Variants in EYS observed in about 807,000 individuals in gnomAD.
The protein encoded by EYS is EGF-like photoreceptor maintenance factor, also known as protein eyes shut homolog.
Under a neutral mutation model 282.1 loss-of-function variants are expected in EYS, and 250 were observed. The ratio of observed to expected loss-of-function variants is 0.89; its 90% CI spans 0.80 to 0.98. The LOEUF (loss-of-function observed/expected upper bound fraction) is 0.98. Among genes scored for constraint, EYS ranks in the 50% least tolerant of loss-of-function variants. The pLI, the probability that EYS is intolerant of heterozygous loss-of-function variation, is 0.00. For synonymous variants in EYS, 1,355 were observed against 1,282.9 expected (o/e 1.06, Z -1.20); for missense variants, 4,016 against 3,709.0 (o/e 1.08, Z -2.15).
At chr6:65,461,480 A>G (rs1764824627) in intron 5 of EYS, among the ~76,000 whole-genome samples, 1 of 151,910 alleles carries the variant, frequency 6.6e-6, no homozygotes. Flanking sequence ...TCACTCTCAT[A>G]TTCCTTTCTT....
intron 31 of EYS, among the ~76,000 whole-genome samples, chr6:64,094,135 T>A (rs144033521): frequency 6.6e-6 from 1 of 152,086 alleles, no homozygotes; most frequent in Non-Finnish European, 1.5e-5. Context: ...AGCTTTTTGA[T>A]GTGCTGCTGG....
At chr6:65,526,447 C>G (rs1248996726) in intron 2 of EYS, among the ~76,000 whole-genome samples, 1 of 152,170 alleles carries the variant, frequency 6.6e-6, no homozygotes, top group African/African-American at 2.4e-5. Flanking sequence ...TAATTCACAG[C>G]ACTTGATAAG....
At chr6:64,154,168 C>A (rs1052719568) in intron 31 of EYS, among the ~76,000 whole-genome samples, 3 of 152,084 alleles carry the variant, frequency 2.0e-5, no homozygotes, top group African/African-American at 4.8e-5. Flanking sequence ...AGGCTGGGAG[C>A]GGTGGCTCAC....
intron 26 of EYS, among the ~76,000 whole-genome samples, chr6:64,516,410 C>T (rs1482249649): frequency 1.3e-5 from 2 of 151,644 alleles, no homozygotes; most frequent in Non-Finnish European, 3.0e-5. Context: ...ACAAGTTTAC[C>T]CGTGTAACAA....
At chr6:64,268,173 T>C (rs1052908329) in intron 30 of EYS, among the ~76,000 whole-genome samples, 4 of 152,044 alleles carry the variant, frequency 2.6e-5, no homozygotes, top group Non-Finnish European at 5.9e-5. Flanking sequence ...TTAAATATCA[T>C]GTAGCTGTTA....
rs563971821 is a variant in EYS, at chr6:65,432,642, T to C, written c.863-27275A>G. On this transcript the variant is annotated intron_variant, in intron 5 of 42. Transcript: ENST00000503581. Reference sequence around the variant, plus strand: ...CAAAAGGAAAGGAGGTCAGACAATTTAGGTCCTTATAGGGCATTTTGAAGG... The same window carrying C: ...CAAAAGGAAAGGAGGTCAGACAATTCAGGTCCTTATAGGGCATTTTGAAGG... Among the ~76,000 whole-genome samples, 51 of 152,204 alleles carry C rather than the reference T, an allele frequency of 3.4e-4. 1 individual carries two copies. The South Asian group carries it at 9.6e-3, about 29-fold the overall frequency.
chr6:64,524,430 A>G (rs914480514), intron 26 of EYS, among the ~76,000 whole-genome samples: 3 of 151,632 alleles, frequency 2.0e-5, no homozygotes, highest in African/African-American at 4.8e-5. Context: ...TAGGTTGTCT[A>G]TTTCCTCTGT....
chr6:63,970,430 T>C (rs954858340), intron 35 of EYS, among the ~76,000 whole-genome samples: 2 of 152,110 alleles, frequency 1.3e-5, no homozygotes, highest in African/African-American at 4.8e-5. Context: ...GGTCAGGTGA[T>C]CGAGACCATT....
At chr6:63,928,415 G>A (rs1035608059) in intron 35 of EYS, among the ~76,000 whole-genome samples, 5 of 152,110 alleles carry the variant, frequency 3.3e-5, no homozygotes, top group African/African-American at 1.2e-4. Context: ...TGTGTCTAAA[G>A]TGCTTATGAC....
At chr6:65,212,433 AG>A (rs1253527166) in intron 12 of EYS, among the ~76,000 whole-genome samples, 3 of 152,164 alleles carry the variant, frequency 2.0e-5, no homozygotes, top group Non-Finnish European at 4.4e-5. Flanking sequence ...AGCTAAAGAA[AG>A]CTTGATACTT....
intron 39 of EYS, among the ~76,000 whole-genome samples, chr6:63,779,864 A>T (rs1770167871): frequency 6.6e-6 from 1 of 151,746 alleles, no homozygotes; most frequent in Admixed American, 6.6e-5. Context: ...CGTCATTTAC[A>T]TTAGGTATTC....
chr6:64,390,314 G>A (rs1259772714), intron 28 of EYS, among the ~76,000 whole-genome samples: 3 of 152,168 alleles, frequency 2.0e-5, no homozygotes, highest in East Asian at 1.9e-4. Context: ...CTCCACCTCT[G>A]GGGGCAGGGC....
At chr6:65,343,529 G>T (rs1315585341) in intron 10 of EYS, among the ~76,000 whole-genome samples, 1 of 151,106 alleles carries the variant, frequency 6.6e-6, no homozygotes, top group Non-Finnish European at 1.5e-5. Context: ...GGGATAAAAG[G>T]AGGGCCTCTC....
chr6:64,862,150 A>G (rs1766259358), intron 19 of EYS, among the ~76,000 whole-genome samples: 1 of 152,166 alleles, frequency 6.6e-6, no homozygotes, highest in Non-Finnish European at 1.5e-5. Flanking sequence ...CTGATTTCGC[A>G]TGTGAAGTCA....
At chr6:63,782,136 G>A (rs937474461) in intron 39 of EYS, among the ~76,000 whole-genome samples, 1 of 152,134 alleles carries the variant, frequency 6.6e-6, no homozygotes. Context: ...TTGATGTGCT[G>A]CTGGATTCAG....
At chr6:64,025,095 A>T (rs1221481549) in intron 33 of EYS, among the ~76,000 whole-genome samples, 1 of 152,138 alleles carries the variant, frequency 6.6e-6, no homozygotes, top group Non-Finnish European at 1.5e-5. Flanking sequence ...ATTCTGTCCT[A>T]TCTTTCCTTA....
At chr6:64,180,687 T>A (rs1764763544) in intron 31 of EYS, among the ~76,000 whole-genome samples, 1 of 152,136 alleles carries the variant, frequency 6.6e-6, no homozygotes, top group African/African-American at 2.4e-5. Flanking sequence ...AACCTCATCT[T>A]AATAAGTGAA....
At chr6:65,325,161 C>T (rs1430205418) in intron 11 of EYS, among the ~76,000 whole-genome samples, 1 of 152,194 alleles carries the variant, frequency 6.6e-6, no homozygotes, top group Non-Finnish European at 1.5e-5. Flanking sequence ...ACTTCTCCTC[C>T]TCCTCCTTAC....
chr6:65,298,555 C>T (rs1582113830), intron 11 of EYS, among the ~76,000 whole-genome samples: 1 of 151,788 alleles, frequency 6.6e-6, no homozygotes, highest in African/African-American at 2.4e-5. Flanking sequence ...TTCTTGTGTA[C>T]TCGTCTTTTT....
Sources: allele counts gnomAD v4.1 joint callset (sites outside exome capture counted in the v4.1 genomes callset), GRCh38; gene constraint gnomAD v4.1.1; transcripts MANE v1.5; gene names NCBI Gene and HGNC (gene_info 2026-07-23, HGNC 2026-07-21).